Variants in FGF12 observed in about 807,000 individuals in gnomAD.
FGF12 encodes fibroblast growth factor 12B.
Under a neutral mutation model 23.6 loss-of-function variants are expected in FGF12, and 14 were observed. That is an observed-to-expected ratio of 0.59 (90% confidence interval 0.39 to 0.93). FGF12 has a LOEUF of 0.93. Among genes scored for constraint, FGF12 ranks in the 40% least tolerant of loss-of-function variants. FGF12 has a pLI of 0.00. For synonymous variants in FGF12, 62 were observed against 77.3 expected, an observed-to-expected ratio of 0.80 and a Z score of 1.04; for missense variants, 175 against 217.8, an observed-to-expected ratio of 0.80 and a Z score of 1.24.
chr3:192,234,252 C>A (rs965940324), intron 4 of FGF12, among the ~76,000 whole-genome samples: 2 of 152,098 alleles, frequency 1.3e-5, no homozygotes, highest in Admixed American at 6.6e-5. Flanking sequence ...CTGCAATTCT[C>A]ATAGAGTACT....
rs140844283 is a variant in FGF12, at chr3:192,465,195, C to T, written c.14-104657G>A. Among the ~76,000 whole-genome samples the T allele has an allele frequency of 7.0e-3, 1,065 of 152,220 alleles. 11 individuals carry two copies. The highest frequency in any genetic ancestry group is 0.025 in the African/African-American group (1,039 of 41,538). ...TTTTCTTAAGTTAAATGCAAATTAG[C>T]TGGTTAATAAGGCAATATAAAACTT... On this transcript the variant is annotated intron_variant, in intron 2 of 5. Coordinates refer to ENST00000445105, the MANE Select transcript of FGF12 (RefSeq NM_004113.6).
chr3:192,438,267 G>T (rs1412113305), intron 2 of FGF12, among the ~76,000 whole-genome samples: 1 of 152,132 alleles, frequency 6.6e-6, no homozygotes, highest in Non-Finnish European at 1.5e-5. Context: ...ACTTTACAAC[G>T]ATAGCTCATG....
chr3:192,499,511 TATATA>T (rs199901055), intron 2 of FGF12, among the ~76,000 whole-genome samples: 2 of 46,114 alleles, frequency 4.3e-5, no homozygotes, highest in Admixed American at 2.2e-4. Flanking sequence ...TATATATATA[TATATA>T]TTTTTTTTTT....
In FGF12 at chr3:192,168,165, T is replaced by G. The variant is rs181406522; in HGVS notation, c.427+2293A>C. Among the ~76,000 whole-genome samples, 771 of 152,254 alleles carry G rather than the reference T, an allele frequency of 5.1e-3. 7 individuals carry two copies. The highest frequency in any genetic ancestry group is 0.018 in the African/African-American group (742 of 41,552). On this transcript the variant is annotated intron_variant, in intron 5 of 5. Transcript: ENST00000445105. ...ACACGTGGATTTCTTTTCTTCATAC[T>G]TTCCTAAATTTTCCAAAATTGTTAA...
rs1717444191 is a variant in FGF12, at chr3:192,679,517, G to T, written c.13+47664C>A. Among the ~76,000 whole-genome samples the T allele has an allele frequency of 2.6e-5, 4 of 151,986 alleles. No individual in the cohort carries two copies. In the South Asian group the frequency reaches 8.3e-4, roughly 31 times the overall value. On this transcript the variant is annotated intron_variant, in intron 2 of 5. Coordinates refer to ENST00000445105, the MANE Select transcript of FGF12 (RefSeq NM_004113.6). ...GGAGGTGGGAGGTCAGAGGTGGGAG[G>T]ATGGTTTGAGCCCTGGAGTTTGAGG...
At chr3:192,692,710 T>TAAAAAAAA (rs200005337) in intron 2 of FGF12, among the ~76,000 whole-genome samples, 1 of 123,200 alleles carries the variant, frequency 8.1e-6, no homozygotes, top group African/African-American at 3.0e-5. Context: ...AGACCCTGTC[T>TAAAAAAAA]AAAAAAAAAA....
intron 2 of FGF12, among the ~76,000 whole-genome samples, chr3:192,537,857 G>A (rs565152669): frequency 1.2e-4 from 18 of 151,442 alleles, no homozygotes; most frequent in African/African-American, 4.4e-4. Flanking sequence ...TATTACTCAA[G>A]AAATTTTTGC....
chr3:192,410,298 C>CT (rs1721157095), intron 2 of FGF12, among the ~76,000 whole-genome samples: 1 of 151,838 alleles, frequency 6.6e-6, no homozygotes, highest in Admixed American at 6.5e-5. Context: ...CTCTCTGTGT[C>CT]TTCTGTCTCT....
intron 2 of FGF12, among the ~76,000 whole-genome samples, chr3:192,373,244 C>A (rs1719316995): frequency 6.6e-6 from 1 of 151,742 alleles, no homozygotes; most frequent in Non-Finnish European, 1.5e-5. Context: ...TACAGAATAT[C>A]TAGTTCTTAG....
chr3:192,174,524 T>C (rs1231675149), intron 4 of FGF12, among the ~76,000 whole-genome samples: 1 of 152,204 alleles, frequency 6.6e-6, no homozygotes, highest in East Asian at 1.9e-4. Context: ...AGGAGTTTGC[T>C]GCAGGCACTT....
At chr3:192,426,236 G>T (rs930978658) in intron 2 of FGF12, among the ~76,000 whole-genome samples, 5 of 152,088 alleles carry the variant, frequency 3.3e-5, no homozygotes, top group African/African-American at 1.2e-4. Flanking sequence ...TATAAAAGGA[G>T]GGGGGAAATG....
At chr3:192,685,688 G>A (rs950452798) in intron 2 of FGF12, among the ~76,000 whole-genome samples, 2 of 152,126 alleles carry the variant, frequency 1.3e-5, no homozygotes, top group African/African-American at 2.4e-5. Flanking sequence ...AAACCGGAAG[G>A]ATGGAAGAGG....
intron 4 of FGF12, among the ~76,000 whole-genome samples, chr3:192,296,693 GT>G (rs1715061178): frequency 6.6e-6 from 1 of 152,094 alleles, no homozygotes; most frequent in African/African-American, 2.4e-5. Flanking sequence ...CTCTTTATGA[GT>G]TTAATGCACA....
chr3:192,425,452 C>T (rs182032406), intron 2 of FGF12, among the ~76,000 whole-genome samples: 28 of 152,236 alleles, frequency 1.8e-4, no homozygotes, highest in Admixed American at 3.9e-4. Flanking sequence ...AAAGGAAAAG[C>T]ACAAAGGTGT....
chr3:192,279,272 G>A (rs1299538606), intron 4 of FGF12, among the ~76,000 whole-genome samples: 1 of 133,474 alleles, frequency 7.5e-6, no homozygotes, highest in Non-Finnish European at 1.6e-5. Flanking sequence ...CATTCCCATA[G>A]AGAACTTTAT....
chr3:192,629,420 T>C (rs1190602159), intron 2 of FGF12, among the ~76,000 whole-genome samples: 1 of 152,248 alleles, frequency 6.6e-6, no homozygotes, highest in Non-Finnish European at 1.5e-5. Context: ...ATATTACTAG[T>C]TAGGCTTCAG....
chr3:192,480,554 A>G lies in FGF12; in HGVS notation c.14-120016T>C, dbSNP rs139861267. ...AGACAAATGATGCTTCCATGTATAG[A>G]AACAATAAAAGAGCGAAGGTATTTT... On this transcript the variant is annotated intron_variant, in intron 2 of 5. Coordinates refer to ENST00000445105, the MANE Select transcript of FGF12 (RefSeq NM_004113.6). Among the ~76,000 whole-genome samples, 375 of 152,308 alleles carry G rather than the reference A, an allele frequency of 2.5e-3. 2 individuals carry two copies. Among genetic ancestry groups the G allele is most frequent in the African/African-American group, 8.8e-3 (364 of 41,580 alleles).
intron 4 of FGF12, among the ~76,000 whole-genome samples, chr3:192,268,425 T>C (rs1239531332): frequency 6.6e-6 from 1 of 152,188 alleles, no homozygotes; most frequent in African/African-American, 2.4e-5. Flanking sequence ...ATGATATCGT[T>C]TGGATATCTG....
rs199881884 is a variant in FGF12, at chr3:192,360,435, G to A, written c.117C>T (p.Ser39=). 76 of 1,601,984 alleles carry A rather than the reference G, an allele frequency of 4.7e-5. No individual in the cohort carries two copies. Among genetic ancestry groups the A allele is most frequent in the South Asian group, 3.5e-4 (32 of 90,836 alleles). The part of the protein sequence containing the change: ...GTIDGTKDEN[S]DYTLFNLIPV... ...GAAGCTAATGTTTCTTACTGTAGTC[G>A]CTGTTTTCGTCCTTGGTCCCATCAA... The change falls in exon 3 of 6, where the codon AGC becomes AGT. Residue 39 remains serine, a synonymous_variant. Transcript: ENST00000445105. This position sits in a 1 kb window ranked among gnomAD's most constrained non-coding sequence, Gnocchi z 4.3.
Sources: gnomAD v4.1 joint callset for allele counts (sites outside exome capture counted in the v4.1 genomes callset) on GRCh38, gnomAD v4.1.1 for gene constraint, Gnocchi (gnomAD v3.1) non-coding constraint, MANE v1.5 for transcripts, NCBI Gene and HGNC (gene_info 2026-07-23, HGNC 2026-07-21) for gene names.